CCBE1: variants seen among roughly 807,000 people sequenced by gnomAD.
CCBE1 encodes collagen and calcium-binding EGF domain-containing protein 1.
A neutral mutation model predicts 50.0 loss-of-function variants in CCBE1; 37 were observed. That is an observed-to-expected ratio of 0.74 (90% CI 0.57 to 0.97). The LOEUF (loss-of-function observed/expected upper bound fraction) is 0.97, where lower values mean the gene tolerates loss of function less well. Ranked by LOEUF, CCBE1 falls within the 50% of genes least tolerant of loss-of-function variation. The pLI is 0.00. For missense variants in CCBE1, 538 were observed against 523.8 expected, an observed-to-expected ratio of 1.03 and a Z score of -0.26; for synonymous variants, 234 against 203.7, an observed-to-expected ratio of 1.15 and a Z score of -1.27.
intron 2 of CCBE1, among the ~76,000 whole-genome samples, chr18:59,620,084 G>A (rs1555699130): frequency 3.9e-5 from 6 of 152,154 alleles, no homozygotes; most frequent in Non-Finnish European, 7.3e-5. Flanking sequence ...GTTGGGAAGG[G>A]AAGAGGAGGG....
intron 2 of CCBE1, among the ~76,000 whole-genome samples, chr18:59,605,354 C>T (rs1299117591): frequency 6.6e-6 from 1 of 152,150 alleles, no homozygotes; most frequent in Non-Finnish European, 1.5e-5. Context: ...CAAGTTTTAT[C>T]CTTATAGAGA....
chr18:59,646,305 T>C (rs2054054699), intron 2 of CCBE1, among the ~76,000 whole-genome samples: 1 of 152,168 alleles, frequency 6.6e-6, no homozygotes. Context: ...GTGGGCCAGA[T>C]AGGGACTTAG....
Position 59,465,601 on chromosome 18 carries a change from G to A in CCBE1, c.553+1138C>T, listed in dbSNP as rs1321821885. On this transcript the variant is annotated intron_variant, in intron 5 of 10. Coordinates refer to ENST00000439986, the MANE Select transcript of CCBE1 (RefSeq NM_133459.4). ...CAAAGATGAACCACTACAAAAATAA[G>A]ATGTAAAATGCAAGCATAAATTTTT... The A allele has an allele frequency of 2.0e-5, 3 of 152,306 alleles. No individual in the cohort carries two copies. The East Asian group carries it at 5.8e-4, about 29-fold the overall frequency. 9.4% of individuals were successfully genotyped at this position (152,306 alleles called of 1,614,324 possible). A position where few individuals can be genotyped will look rare whatever the true frequency, so the allele number is the denominator to read the frequency against.
chr18:59,544,618 C>T (rs1915611071), intron 2 of CCBE1, among the ~76,000 whole-genome samples: 1 of 152,064 alleles, frequency 6.6e-6, no homozygotes, highest in Admixed American at 6.5e-5. Context: ...AAGAGCTTCA[C>T]AGCACAAAAT....
At chr18:59,470,853 C>T (rs536128107) in intron 3 of CCBE1, among the ~76,000 whole-genome samples, 2 of 152,312 alleles carry the variant, frequency 1.3e-5, no homozygotes, top group South Asian at 2.1e-4. Context: ...GGGCTGTCAG[C>T]TCCTGATGCA....
chr18:59,486,062 G>C lies in CCBE1; in HGVS notation c.213-5824C>G, dbSNP rs956151704. On this transcript the variant is annotated intron_variant, in intron 2 of 10. Coordinates refer to ENST00000439986, the MANE Select transcript of CCBE1 (RefSeq NM_133459.4). The stretch of plus-strand genomic sequence containing the variant: ...ATTTACAGAGCTAGGGATTGCTTGC[G>C]CCTTGCTCCTTGGCCTTGCTCCTTA... Among the ~76,000 whole-genome samples, 4 of 152,110 alleles carry C rather than the reference G, an allele frequency of 2.6e-5. 1 individual carries two copies.
intron 7 of CCBE1, among the ~76,000 whole-genome samples, chr18:59,443,077 C>T (rs896302253): frequency 6.6e-6 from 1 of 152,134 alleles, no homozygotes; most frequent in African/African-American, 2.4e-5. Flanking sequence ...GTCATCTGCT[C>T]TTGTGTCTGA....
At chr18:59,462,935 A>G (rs1315305498) in intron 5 of CCBE1, among the ~76,000 whole-genome samples, 1 of 152,248 alleles carries the variant, frequency 6.6e-6, no homozygotes, top group Non-Finnish European at 1.5e-5. Context: ...CCAAAAAACA[A>G]TGTAAAATAG....
chr18:59,580,557 C>T (rs952391647), intron 2 of CCBE1, among the ~76,000 whole-genome samples: 8 of 152,140 alleles, frequency 5.3e-5, no homozygotes, highest in South Asian at 2.1e-4. Flanking sequence ...GGATCAGAAT[C>T]GAAGGTCTCA....
At chr18:59,535,559 GA>G (rs1457359439) in intron 2 of CCBE1, among the ~76,000 whole-genome samples, 1 of 152,162 alleles carries the variant, frequency 6.6e-6, no homozygotes, top group Admixed American at 6.5e-5. Flanking sequence ...GAGGGGATGG[GA>G]AAACTGAGAA....
chr18:59,601,176 C>T (rs1005268257), intron 2 of CCBE1, among the ~76,000 whole-genome samples: 17 of 151,714 alleles, frequency 1.1e-4, no homozygotes, highest in African/African-American at 3.4e-4. Flanking sequence ...GGACTAGAGG[C>T]GCACAACACC....
At chr18:59,657,449 C>T (rs1386113323) in intron 2 of CCBE1, among the ~76,000 whole-genome samples, 1 of 152,244 alleles carries the variant, frequency 6.6e-6, no homozygotes, top group Non-Finnish European at 1.5e-5. Flanking sequence ...GGGCCCTATG[C>T]AGTTTTCTTT....
chr18:59,535,092 C>A (rs1419542404), intron 2 of CCBE1, among the ~76,000 whole-genome samples: 4 of 152,156 alleles, frequency 2.6e-5, no homozygotes, highest in Admixed American at 2.6e-4. Context: ...CTTGTGAAAA[C>A]TGCACTAAAA....
chr18:59,551,528 A>G (rs992063710), intron 2 of CCBE1, among the ~76,000 whole-genome samples: 3 of 152,332 alleles, frequency 2.0e-5, no homozygotes, highest in Middle Eastern at 3.4e-3. Context: ...CACTAGCTTG[A>G]TAGGAATTTT....
chr18:59,535,193 A>C (rs940899237), intron 2 of CCBE1, among the ~76,000 whole-genome samples: 29 of 152,222 alleles, frequency 1.9e-4, no homozygotes, highest in African/African-American at 7.0e-4. Context: ...TTGATGCTGG[A>C]AAGATAAACG....
intron 2 of CCBE1, among the ~76,000 whole-genome samples, chr18:59,675,039 A>G (rs1045939335): frequency 3.9e-5 from 6 of 152,156 alleles, no homozygotes; most frequent in African/African-American, 1.4e-4. Flanking sequence ...ATCTTTATCG[A>G]CCATGGCTTT....
chr18:59,583,413 C>A (rs1271699576), intron 2 of CCBE1, among the ~76,000 whole-genome samples: 1 of 152,192 alleles, frequency 6.6e-6, no homozygotes, highest in Non-Finnish European at 1.5e-5. Flanking sequence ...ATTTCTTCCA[C>A]TGATCTGACC....
Position 59,438,160 on chromosome 18 carries a change from G to A in CCBE1, c.952-14C>T, listed in dbSNP as rs1910246504. ...TCCTCTCTCCCCCTAAAAACAGAAAGGCCAGGGTTAGCTTTCTAGAGCACA... is the reference window on the plus strand; with the variant it reads ...TCCTCTCTCCCCCTAAAAACAGAAAAGCCAGGGTTAGCTTTCTAGAGCACA... On this transcript the variant is annotated splice_polypyrimidine_tract_variant and intron_variant, in intron 9 of 10. Transcript: ENST00000439986. 6.2e-7 allele frequency: 1 copy of A among 1,614,028 alleles called. No individual in the cohort carries two copies. The highest frequency in any genetic ancestry group is 8.5e-7 in the Non-Finnish European group (1 of 1,179,960).
chr18:59,686,997 C>A (rs988369535), intron 2 of CCBE1, among the ~76,000 whole-genome samples: 1 of 152,132 alleles, frequency 6.6e-6, no homozygotes, highest in East Asian at 1.9e-4. Context: ...TCTCATACAA[C>A]CTGCAGTTGG....
Sources: gnomAD v4.1 joint callset for allele counts (sites outside exome capture counted in the v4.1 genomes callset) on GRCh38, gnomAD v4.1.1 for gene constraint, MANE v1.5 for transcripts, NCBI Gene and HGNC (gene_info 2026-07-23, HGNC 2026-07-21) for gene names.